Variants in TRHDE observed in about 807,000 individuals in gnomAD.
The protein encoded by TRHDE is thyrotropin-releasing hormone-degrading ectoenzyme.
Under a neutral mutation model 125.7 loss-of-function variants are expected in TRHDE, and 72 were observed. The ratio of observed to expected loss-of-function variants is 0.57; its 90% CI spans 0.47 to 0.70. The LOEUF (loss-of-function observed/expected upper bound fraction) is 0.70. Ranked by LOEUF, TRHDE falls within the 30% of genes least tolerant of loss-of-function variation. The pLI, the probability that TRHDE is intolerant of heterozygous loss-of-function variation, is 0.00. For missense variants in TRHDE, 1,110 were observed against 1,327.1 expected, an observed-to-expected ratio of 0.84 and a Z score of 2.54; for synonymous variants, 509 against 509.1, an observed-to-expected ratio of 1.00 and a Z score of 0.00.
chr12:72,145,249 T>G (rs1033335190), intron 2 of TRHDE, among the ~76,000 whole-genome samples: 1 of 152,224 alleles, frequency 6.6e-6, no homozygotes, highest in Non-Finnish European at 1.5e-5. Flanking sequence ...CCAGAGATTT[T>G]AAATTGTTGT....
chr12:72,154,524 G>A (rs1303700138), intron 2 of TRHDE, among the ~76,000 whole-genome samples: 1 of 152,166 alleles, frequency 6.6e-6, no homozygotes, highest in African/African-American at 2.4e-5. Flanking sequence ...TTTTTGCAGT[G>A]GCTGATACTG....
At chr12:72,251,162 G>A (rs1201489450) in intron 2 of TRHDE, among the ~76,000 whole-genome samples, 1 of 151,790 alleles carries the variant, frequency 6.6e-6, no homozygotes, top group African/African-American at 2.4e-5. Flanking sequence ...ATTCATTTGA[G>A]TGTGTATATA....
chr12:72,279,976 C>T (rs1295047787), intron 1 of TRHDE, among the ~76,000 whole-genome samples: 15 of 152,122 alleles, frequency 9.9e-5, no homozygotes, highest in Non-Finnish European at 5.9e-5. Flanking sequence ...TTGTTGGTTA[C>T]TTTTTACATC....
intron 3 of TRHDE, among the ~76,000 whole-genome samples, chr12:72,467,397 A>G (rs1192826571): frequency 6.6e-6 from 1 of 152,092 alleles, no homozygotes; most frequent in Non-Finnish European, 1.5e-5. Context: ...AGCACTCTTA[A>G]TTCTTCAACT....
At chr12:72,245,848 A>G (rs777377579) in intron 2 of TRHDE, among the ~76,000 whole-genome samples, 3 of 152,076 alleles carry the variant, frequency 2.0e-5, no homozygotes, top group African/African-American at 7.2e-5. Flanking sequence ...AAATTTTTCA[A>G]TATACTTAAG....
chr12:72,096,694 A>G (rs1874930848), intron 1 of TRHDE, among the ~76,000 whole-genome samples: 1 of 152,224 alleles, frequency 6.6e-6, no homozygotes, highest in African/African-American at 2.4e-5. Context: ...TTCACTCATG[A>G]ATAAAGAATA....
At chr12:72,340,942 T>C (rs1052292543) in intron 2 of TRHDE, among the ~76,000 whole-genome samples, 10 of 152,126 alleles carry the variant, frequency 6.6e-5, no homozygotes, top group Non-Finnish European at 8.8e-5. Context: ...TACAATCTTG[T>C]TAGATACGGG....
chr12:72,348,960 C>G (rs1870456886), intron 2 of TRHDE, among the ~76,000 whole-genome samples: 1 of 151,200 alleles, frequency 6.6e-6, no homozygotes, highest in African/African-American at 2.4e-5. Flanking sequence ...TTTTTGTTTC[C>G]CTATTTCATG....
intron 15 of TRHDE, among the ~76,000 whole-genome samples, chr12:72,625,336 T>C (rs1873215150): frequency 6.6e-6 from 1 of 151,764 alleles, no homozygotes; most frequent in Non-Finnish European, 1.5e-5. Flanking sequence ...TAATGTCCAT[T>C]CCCTAACATA....
At chr12:72,484,825 C>G (rs1218249573) in intron 5 of TRHDE, among the ~76,000 whole-genome samples, 1 of 152,134 alleles carries the variant, frequency 6.6e-6, no homozygotes, top group Non-Finnish European at 1.5e-5. Flanking sequence ...TCTTTTCCCC[C>G]ACAAGAAAAG....
chr12:72,623,268 T>C (rs965951258), intron 15 of TRHDE, among the ~76,000 whole-genome samples: 4 of 152,016 alleles, frequency 2.6e-5, no homozygotes, highest in African/African-American at 9.7e-5. Context: ...TTGTGTGTTT[T>C]GTTTGTTTTT....
In TRHDE at chr12:72,273,250, A is replaced by G. The variant is rs574500426; in HGVS notation, c.607A>G (p.Met203Val). 1 of 1,613,998 alleles carries G rather than the reference A, an allele frequency of 6.2e-7. No individual in the cohort carries two copies. Among genetic ancestry groups the G allele is most frequent in the East Asian group, 2.2e-5 (1 of 44,854 alleles). ...LHYNLMLTAF[M>V]ENFTFSGEVN... ...CTACAATCTGATGCTCACCGCCTTC[A>G]TGGAGAACTTCACCTTCTCCGGGGA... Residue 203 changes from methionine to valine, a missense_variant, in exon 1 of 19, where the codon ATG becomes GTG. Met to Val is a conservative substitution (Grantham distance 21). This residue lies in a region of TRHDE where 72 missense variants were observed against 122.2 expected (regional missense o/e 0.59). Transcript: ENST00000261180. The surrounding 1 kb of genome is among the most constrained non-coding windows in gnomAD (Gnocchi z 5.3).
intron 2 of TRHDE, among the ~76,000 whole-genome samples, chr12:72,166,907 C>CGTGTGTGTGTGTGTGTGT (rs59590935): frequency 9.3e-5 from 13 of 139,234 alleles, no homozygotes; most frequent in Non-Finnish European, 2.0e-4. Flanking sequence ...GGTAGATGAA[C>CGTGTGTGTGTGTGTGTGT]GTGTGTGTGT....
chr12:72,612,651 G>A (rs1051363526), intron 12 of TRHDE, among the ~76,000 whole-genome samples: 5 of 152,144 alleles, frequency 3.3e-5, no homozygotes, highest in African/African-American at 2.4e-5. Context: ...CTAAAGGATA[G>A]TAGACTGAAA....
intron 2 of TRHDE, among the ~76,000 whole-genome samples, chr12:72,125,613 A>G (rs950937309): frequency 2.0e-5 from 3 of 152,198 alleles, no homozygotes; most frequent in Non-Finnish European, 4.4e-5. Context: ...TTTGTTCTTT[A>G]AAAGTATATA....
At chr12:72,224,763 T>C (rs887413642) in intron 2 of TRHDE, among the ~76,000 whole-genome samples, 1 of 152,150 alleles carries the variant, frequency 6.6e-6, no homozygotes, top group Non-Finnish European at 1.5e-5. Flanking sequence ...TTTTGCAGCA[T>C]TTGTATTTTA....
intron 2 of TRHDE, among the ~76,000 whole-genome samples, chr12:72,313,912 T>C (rs990683451): frequency 1.3e-5 from 2 of 152,112 alleles, no homozygotes; most frequent in Non-Finnish European, 2.9e-5. Flanking sequence ...ATGCTGAGGA[T>C]TTTTCAAGCT....
intron 17 of TRHDE, among the ~76,000 whole-genome samples, chr12:72,653,499 A>G (rs1277387269): frequency 1.3e-5 from 2 of 152,120 alleles, no homozygotes; most frequent in African/African-American, 4.8e-5. Flanking sequence ...TGATTTATAA[A>G]TACAGTGGTA....
At chr12:72,130,029 C>A (rs1007138644) in intron 2 of TRHDE, among the ~76,000 whole-genome samples, 3 of 152,182 alleles carry the variant, frequency 2.0e-5, no homozygotes. Flanking sequence ...AGACTGGGCG[C>A]GGTGGCTCAC....
Sources: gnomAD v4.1 joint callset for allele counts (sites outside exome capture counted in the v4.1 genomes callset) on GRCh38, gnomAD v4.1.1 for gene constraint, gnomAD v4.1.1 regional missense constraint, Gnocchi (gnomAD v3.1) non-coding constraint, MANE v1.5 for transcripts, NCBI Gene and HGNC (gene_info 2026-07-23, HGNC 2026-07-21) for gene names.